SLIT1: variants seen among roughly 807,000 people sequenced by gnomAD.
SLIT1 encodes slit guidance ligand 1.
In SLIT1, 66 loss-of-function variants were observed where a neutral mutation model predicts 186.1. The ratio of observed to expected loss-of-function variants is 0.35; its 90% CI spans 0.29 to 0.44. The LOEUF is 0.44. Among genes scored for constraint, SLIT1 ranks in the 20% least tolerant of loss-of-function variants. SLIT1 has a pLI of 1.00. For missense variants in SLIT1, 1,638 were observed against 2,037.4 expected (o/e 0.80, Z 3.77); for synonymous variants, 761 against 833.8 (o/e 0.91, Z 1.50).
intron 4 of SLIT1, among the ~76,000 whole-genome samples, chr10:97,082,511 T>C (rs769767506): frequency 1.3e-5 from 2 of 152,174 alleles, no homozygotes; most frequent in Non-Finnish European, 2.9e-5. Context: ...CTCGGCTCAC[T>C]GGAAGCTCCG....
rs144166035 is a variant in SLIT1 at position 97,005,036 on chromosome 10, G to T, written c.3580-213C>A. On this transcript the variant is annotated intron_variant, in intron 32 of 36. Coordinates refer to ENST00000266058, the MANE Select transcript of SLIT1 (RefSeq NM_003061.3). ...TCAAGCCCCATCCACTGCCAGCCTG[G>T]CCAGGTCCAGGCAGGGGAGGGTGAT... 4.3e-3 allele frequency among the ~76,000 whole-genome samples: 660 copies of T among 152,280 alleles called. 3 individuals carry two copies. Among genetic ancestry groups the T allele is most frequent in the African/African-American group, 0.016 (645 of 41,550 alleles).
At chr10:97,168,939 C>T (rs183666394) in intron 1 of SLIT1, among the ~76,000 whole-genome samples, 42 of 152,282 alleles carry the variant, frequency 2.8e-4, no homozygotes, top group Middle Eastern at 3.4e-3. Context: ...GGAATTCCCA[C>T]TAAGGCGGGA....
chr10:97,081,280 G>A (rs1383507779), intron 4 of SLIT1, among the ~76,000 whole-genome samples: 1 of 152,152 alleles, frequency 6.6e-6, no homozygotes, highest in Non-Finnish European at 1.5e-5. Flanking sequence ...CAGGGCAGAG[G>A]GGCTGTGAAT....
intron 18 of SLIT1, among the ~76,000 whole-genome samples, chr10:97,045,437 T>G (rs1167851430): frequency 1.3e-5 from 2 of 152,224 alleles, no homozygotes; most frequent in Non-Finnish European, 2.9e-5. Context: ...TGTATGTATG[T>G]GTGTATATGT....
chr10:97,096,021 C>T (rs1355843724), intron 4 of SLIT1, among the ~76,000 whole-genome samples: 2 of 152,214 alleles, frequency 1.3e-5, no homozygotes, highest in East Asian at 3.9e-4. Flanking sequence ...TCACCTGGGG[C>T]TGTGCTTCCT....
chr10:97,077,800 A>AT (rs949331060), intron 4 of SLIT1, among the ~76,000 whole-genome samples: 3 of 151,938 alleles, frequency 2.0e-5, no homozygotes, highest in East Asian at 1.9e-4. Context: ...AGGTCTGGAG[A>AT]TTTTTTTTCA....
At chr10:97,062,261 G>A (rs542975983) in intron 8 of SLIT1, among the ~76,000 whole-genome samples, 187 of 152,188 alleles carry the variant, frequency 1.2e-3, no homozygotes, top group African/African-American at 4.1e-3. Flanking sequence ...AGAGCACAGC[G>A]GTGTTCAAGC....
At chr10:97,114,573 C>T (rs1278653860) in intron 4 of SLIT1, among the ~76,000 whole-genome samples, 7 of 152,110 alleles carry the variant, frequency 4.6e-5, no homozygotes, top group Non-Finnish European at 8.8e-5. Flanking sequence ...GTGGGAGGAT[C>T]AGTTGAGCCC....
intron 31 of SLIT1, among the ~76,000 whole-genome samples, chr10:97,007,496 A>C (rs1028177308): frequency 6.6e-6 from 1 of 152,096 alleles, no homozygotes; most frequent in African/African-American, 2.4e-5. Context: ...AAGATATCAC[A>C]AAAAACTACA....
Position 97,130,481 on chromosome 10 carries a change from T to C in SLIT1, c.413+27337A>G, listed in dbSNP as rs76705200. 5.0e-3 allele frequency among the ~76,000 whole-genome samples: 763 copies of C among 152,374 alleles called. 26 individuals are homozygous for C. In the East Asian group the frequency reaches 0.095, roughly 19 times the overall value. ...ATGTGGATGAAACTTGATGACATTA[T>C]GCCTCGTGAAATAAGCCAGTCGCAA... On this transcript the variant is annotated intron_variant, in intron 4 of 36. Coordinates refer to ENST00000266058, the MANE Select transcript of SLIT1 (RefSeq NM_003061.3).
At chr10:97,135,132 A>G (rs544615086) in intron 4 of SLIT1, among the ~76,000 whole-genome samples, 1 of 152,318 alleles carries the variant, frequency 6.6e-6, no homozygotes, top group African/African-American at 2.4e-5. Flanking sequence ...AGCCTGGGGA[A>G]AGCCCCGTGC....
In SLIT1 at chr10:97,001,053, C is replaced by A; in HGVS notation, c.*59G>T. The A allele has an allele frequency of 7.1e-7, 1 of 1,407,130 alleles. No homozygotes were observed. Among genetic ancestry groups the A allele is most frequent in the South Asian group, 1.2e-5 (1 of 83,502 alleles). The allele number at this position is 1,407,130 out of a possible 1,614,324, so 87.2% of individuals were successfully genotyped here. On this transcript the variant is annotated 3_prime_UTR_variant, in exon 37 of 37. Transcript: ENST00000266058. ...CCAGCCCAGCTGCTGGCGACTGTCTCCGCTGCTGCAGCGGCTGGGGCCCCT... is the reference window on the plus strand; with the variant it reads ...CCAGCCCAGCTGCTGGCGACTGTCTACGCTGCTGCAGCGGCTGGGGCCCCT...
At chr10:97,181,552 G>A (rs1021327397) in intron 1 of SLIT1, among the ~76,000 whole-genome samples, 3 of 152,156 alleles carry the variant, frequency 2.0e-5, no homozygotes, top group Admixed American at 6.5e-5. Context: ...GGCACATAAG[G>A]AGGACGGCAA....
At chr10:97,166,055 C>T (rs1029488543) in intron 1 of SLIT1, among the ~76,000 whole-genome samples, 3 of 152,102 alleles carry the variant, frequency 2.0e-5, no homozygotes, top group Non-Finnish European at 4.4e-5. Flanking sequence ...CTCGCCTGCT[C>T]CTCTTCCTCA....
At chr10:97,112,724 C>A (rs900612958) in intron 4 of SLIT1, among the ~76,000 whole-genome samples, 1 of 152,128 alleles carries the variant, frequency 6.6e-6, no homozygotes, top group Non-Finnish European at 1.5e-5. Context: ...TTTTTTGAGG[C>A]AGGGTCTCAC....
At chr10:97,066,152 G>C (rs774108750) in intron 4 of SLIT1, 66 bp from the exon 5 acceptor site, 2 of 1,305,428 alleles carry the variant, frequency 1.5e-6, no homozygotes, top group Admixed American at 2.0e-5. Flanking sequence ...AGAGTGCTGT[G>C]ATAAGTCAGG....
chr10:97,051,261 C>CAAAA (rs5787214), intron 13 of SLIT1, among the ~76,000 whole-genome samples: 33 of 147,860 alleles, frequency 2.2e-4, no homozygotes, highest in Non-Finnish European at 3.4e-4. Flanking sequence ...AATCAAAATG[C>CAAAA]AAAAAAAAAA....
At chr10:97,144,643 G>C (rs1849798399) in intron 4 of SLIT1, among the ~76,000 whole-genome samples, 1 of 152,164 alleles carries the variant, frequency 6.6e-6, no homozygotes, top group Non-Finnish European at 1.5e-5. Context: ...GAGACAAGCA[G>C]GGAGGTGACC....
intron 31 of SLIT1, among the ~76,000 whole-genome samples, chr10:97,009,120 G>T (rs559874906): frequency 6.6e-6 from 1 of 151,964 alleles, no homozygotes. Context: ...CTTGTGATCC[G>T]CCTGCCTCGG....
Sources: allele counts gnomAD v4.1 joint callset (sites outside exome capture counted in the v4.1 genomes callset), GRCh38; gene constraint gnomAD v4.1.1; transcripts MANE v1.5; gene names NCBI Gene and HGNC (gene_info 2026-07-23, HGNC 2026-07-21).